KIRREL3: variants seen among roughly 807,000 people sequenced by gnomAD.
KIRREL3 encodes kirre like nephrin family adhesion molecule 3.
In KIRREL3, 36 loss-of-function variants were observed where a neutral mutation model predicts 89.7. The observed-to-expected ratio is 0.40, with a 90% CI of 0.31 to 0.53. The LOEUF is 0.53. KIRREL3 is among the 20% of genes least tolerant of loss of function. The probability of loss-of-function intolerance (pLI) is 0.49; values close to 1 mark genes in which losing one functional copy is unlikely to be tolerated. For synonymous variants in KIRREL3, 445 were observed against 441.4 expected, an observed-to-expected ratio of 1.01 and a Z score of -0.10; for missense variants, 864 against 1,056.6, an observed-to-expected ratio of 0.82 and a Z score of 2.53.
In KIRREL3 at chr11:126,877,213, C is replaced by T. The variant is rs1381336095; in HGVS notation, c.55+123242G>A. Among the ~76,000 whole-genome samples, 3 of 152,170 alleles carry T rather than the reference C, an allele frequency of 2.0e-5. No homozygotes were observed. The highest frequency in any genetic ancestry group is 4.8e-5 in the African/African-American group (2 of 41,446). ...GCCTCTTAGTTGACAGCCAGTGGCA[C>T]GAATCCACTGGTGAGAAGAGTTCTC... On this transcript the variant is annotated intron_variant, in intron 1 of 16. Transcript: ENST00000525144. The surrounding 1 kb of genome is among the most constrained non-coding windows in gnomAD (Gnocchi z 4.9).
intron 1 of KIRREL3, among the ~76,000 whole-genome samples, chr11:126,832,717 C>T (rs933729286): frequency 5.3e-5 from 8 of 152,110 alleles, no homozygotes; most frequent in Non-Finnish European, 8.8e-5. Context: ...TTTTCATGAG[C>T]GGACATAGAT....
In KIRREL3 at chr11:126,459,420, C is replaced by T. The variant is rs1218259028; in HGVS notation, c.743-2966G>A. 6.6e-6 allele frequency among the ~76,000 whole-genome samples: 1 copy of T among 152,118 alleles called. No homozygotes were observed. Among genetic ancestry groups the T allele is most frequent in the Non-Finnish European group, 1.5e-5 (1 of 68,032 alleles). On this transcript the variant is annotated intron_variant, in intron 6 of 16. Coordinates refer to ENST00000525144, the MANE Select transcript of KIRREL3 (RefSeq NM_032531.4). This position sits in a 1 kb window ranked among gnomAD's most constrained non-coding sequence, Gnocchi z 4.8. ...TCTTTGGTGATCACCTGCCCCGAAGCGATTCACAAGGGTTCCACACTCACT... is the reference window on the plus strand; with the variant it reads ...TCTTTGGTGATCACCTGCCCCGAAGTGATTCACAAGGGTTCCACACTCACT...
chr11:126,544,489 T>C lies in KIRREL3; in HGVS notation c.134-17802A>G, dbSNP rs1470731067. Among the ~76,000 whole-genome samples, 1 of 152,178 alleles carries C rather than the reference T, an allele frequency of 6.6e-6. No homozygotes were observed. The highest frequency in any genetic ancestry group is 2.4e-5 in the African/African-American group (1 of 41,434). ...TTGGCTGGCAGACTGCTTCCTTCCC[T>C]TGATTTATTGCAGGATGATAGGTCT... On this transcript the variant is annotated intron_variant, in intron 2 of 16. Coordinates refer to ENST00000525144, the MANE Select transcript of KIRREL3 (RefSeq NM_032531.4). This position sits in a 1 kb window ranked among gnomAD's most constrained non-coding sequence, Gnocchi z 5.6.
intron 4 of KIRREL3, among the ~76,000 whole-genome samples, chr11:126,497,172 AAG>A (rs754791150): frequency 3.7e-4 from 53 of 144,198 alleles, no homozygotes; most frequent in African/African-American, 7.2e-4. Flanking sequence ...GTGCATGTGT[AAG>A]AGAGTGTGTG....
rs1447497681 is a variant in KIRREL3 at position 126,771,093 on chromosome 11, T to A, written c.56-208181A>T. Reference sequence around the variant, plus strand: ...TCAGGGTGATCCGCTTGCCTTGGCATCCCAAAGTCCTGGGATTACAGGCAT... The same window carrying A: ...TCAGGGTGATCCGCTTGCCTTGGCAACCCAAAGTCCTGGGATTACAGGCAT... On this transcript the variant is annotated intron_variant, in intron 1 of 16. Transcript: ENST00000525144. The surrounding 1 kb of genome is among the most constrained non-coding windows in gnomAD (Gnocchi z 4.4). Among the ~76,000 whole-genome samples, 1 of 152,184 alleles carries A rather than the reference T, an allele frequency of 6.6e-6. No individual in the cohort carries two copies. Among genetic ancestry groups the A allele is most frequent in the Admixed American group, 6.5e-5 (1 of 15,284 alleles).
Position 126,575,448 on chromosome 11 carries a change from T to C in KIRREL3, c.56-12536A>G, listed in dbSNP as rs1217166954. On this transcript the variant is annotated intron_variant, in intron 1 of 16. Transcript: ENST00000525144. The surrounding 1 kb of genome is among the most constrained non-coding windows in gnomAD (Gnocchi z 7.0). Reference sequence around the variant, plus strand: ...ACTGGAGATAATGTATGTACAATACTGGGAGGGAAGGGTAAAGAGAGTTGT... The same window carrying C: ...ACTGGAGATAATGTATGTACAATACCGGGAGGGAAGGGTAAAGAGAGTTGT... Among the ~76,000 whole-genome samples the C allele has an allele frequency of 6.6e-6, 1 of 152,178 alleles. No homozygotes were observed. Among genetic ancestry groups the C allele is most frequent in the East Asian group, 1.9e-4 (1 of 5,196 alleles).
chr11:126,585,358 C>G (rs1941781492), intron 1 of KIRREL3, among the ~76,000 whole-genome samples: 1 of 150,562 alleles, frequency 6.6e-6, no homozygotes, highest in East Asian at 2.0e-4. Flanking sequence ...CACAGCCTCC[C>G]CAGTAGCTGG....
rs1947153896 is a variant in KIRREL3 at position 126,918,944 on chromosome 11, A to AACATCATATGTTATAAGATATGTATTGTT, written c.55+81482_55+81510dup. On this transcript the variant is annotated intron_variant, in intron 1 of 16. Transcript: ENST00000525144. This position sits in a 1 kb window ranked among gnomAD's most constrained non-coding sequence, Gnocchi z 6.5. ...ATGATTTTATAACGTCATATGTTAT[A>AACATCATATGTTATAAGATATGTATTGTT]ACATCATATGTTATAAGATATGTAT... Among the ~76,000 whole-genome samples the AACATCATATGTTATAAGATATGTATTGTT allele has an allele frequency of 6.6e-6, 1 of 150,668 alleles. No homozygotes were observed. The highest frequency in any genetic ancestry group is 1.5e-5 in the Non-Finnish European group (1 of 67,684).
chr11:126,494,076 G>C (rs1356051187), intron 4 of KIRREL3, among the ~76,000 whole-genome samples: 1 of 152,146 alleles, frequency 6.6e-6, no homozygotes, highest in African/African-American at 2.4e-5. Context: ...TCCACGATGA[G>C]GAAAATATCA....
rs573908065 is a variant in KIRREL3 at position 126,610,248 on chromosome 11, G to A, written c.56-47336C>T. On this transcript the variant is annotated intron_variant, in intron 1 of 16. Transcript: ENST00000525144. This position sits in a 1 kb window ranked among gnomAD's most constrained non-coding sequence, Gnocchi z 4.6. The stretch of plus-strand genomic sequence containing the variant: ...TGGGATTACAGGCATGCACCACCAC[G>A]CCTGGCTAATTTTTGTATTTTTAAT... Among the ~76,000 whole-genome samples, 1 of 152,148 alleles carries A rather than the reference G, an allele frequency of 6.6e-6. No homozygotes were observed. Among genetic ancestry groups the A allele is most frequent in the Admixed American group, 6.5e-5 (1 of 15,284 alleles).
intron 1 of KIRREL3, among the ~76,000 whole-genome samples, chr11:126,596,200 A>T (rs1395176523): frequency 3.3e-5 from 5 of 152,320 alleles, no homozygotes; most frequent in South Asian, 4.1e-4. Flanking sequence ...TCTGACATCC[A>T]GTGTTCATGC....
Position 126,462,223 on chromosome 11 carries a change from C to G in KIRREL3, c.742+934G>C, listed in dbSNP as rs1956570811. 6.6e-6 allele frequency among the ~76,000 whole-genome samples: 1 copy of G among 152,100 alleles called. No homozygotes were observed. On this transcript the variant is annotated intron_variant, in intron 6 of 16. Coordinates refer to ENST00000525144, the MANE Select transcript of KIRREL3 (RefSeq NM_032531.4). This position sits in a 1 kb window ranked among gnomAD's most constrained non-coding sequence, Gnocchi z 4.8. ...CCTAACACGGGCCACCGAGGGCTGG[C>G]TGGGCAGGAGTGTGGAGAGGATGTT... is the stretch of plus-strand genomic sequence containing the variant.
chr11:126,768,732 A>C lies in KIRREL3; in HGVS notation c.56-205820T>G, dbSNP rs1949925317. Among the ~76,000 whole-genome samples the C allele has an allele frequency of 6.6e-6, 1 of 152,144 alleles. No homozygotes were observed. The highest frequency in any genetic ancestry group is 1.5e-5 in the Non-Finnish European group (1 of 68,034). ...TGGAAGAGCAAGTGCAAAGGTCCTAAGGTGAGAATGACCCAGGTGCCTTCA... is the reference window on the plus strand; with the variant it reads ...TGGAAGAGCAAGTGCAAAGGTCCTACGGTGAGAATGACCCAGGTGCCTTCA... On this transcript the variant is annotated intron_variant, in intron 1 of 16. Transcript: ENST00000525144. The surrounding 1 kb of genome is among the most constrained non-coding windows in gnomAD (Gnocchi z 4.5).
At chr11:126,472,431 G>T (rs575090280) in intron 5 of KIRREL3, among the ~76,000 whole-genome samples, 74 of 152,024 alleles carry the variant, frequency 4.9e-4, no homozygotes, top group Non-Finnish European at 7.2e-4. Context: ...AGGGACAAGG[G>T]GTCTCCCTCA....
At chr11:126,681,845 G>A (rs957354704) in intron 1 of KIRREL3, 4 of 452,896 alleles carry the variant, frequency 8.8e-6, no homozygotes, top group Admixed American at 4.7e-5. Context: ...CAGAATCCCA[G>A]GTCCGGAAGG....
Position 126,429,135 on chromosome 11 carries a change from G to A in KIRREL3, c.1806+44C>T. On this transcript the variant is annotated intron_variant, in intron 15 of 16. Transcript: ENST00000525144. This position sits in a 1 kb window ranked among gnomAD's most constrained non-coding sequence, Gnocchi z 5.2. Reference sequence around the variant, plus strand: ...AAGCCTCTAGTCCCAGGACCTTCTGGGAATGGAGTCACGGGATGGGATGGG... The same window carrying A: ...AAGCCTCTAGTCCCAGGACCTTCTGAGAATGGAGTCACGGGATGGGATGGG... 7.7e-7 allele frequency: 1 copy of A among 1,295,090 alleles called. No individual in the cohort carries two copies. The highest frequency in any genetic ancestry group is 1.1e-6 in the Non-Finnish European group (1 of 896,888). 80.2% of individuals were successfully genotyped at this position (1,295,090 alleles called of 1,614,324 possible).
intron 1 of KIRREL3, among the ~76,000 whole-genome samples, chr11:126,613,780 T>C (rs1364209970): frequency 6.6e-6 from 1 of 151,320 alleles, no homozygotes. Context: ...AGTAGCTCCA[T>C]CACATTGGGA....
chr11:126,462,041 G>C lies in KIRREL3; in HGVS notation c.742+1116C>G, dbSNP rs1956563678. ...TTAAACTGAACTAATCCAGTCTTGA[G>C]AGGAAGGCCCCTGGAACACCTTGCT... On this transcript the variant is annotated intron_variant, in intron 6 of 16. Coordinates refer to ENST00000525144, the MANE Select transcript of KIRREL3 (RefSeq NM_032531.4). The surrounding 1 kb of genome is among the most constrained non-coding windows in gnomAD (Gnocchi z 4.8). 6.6e-6 allele frequency among the ~76,000 whole-genome samples: 1 copy of C among 152,180 alleles called. No individual in the cohort carries two copies. Among genetic ancestry groups the C allele is most frequent in the Non-Finnish European group, 1.5e-5 (1 of 68,042 alleles).
rs1467059632 is a variant in KIRREL3, at chr11:126,459,564, T to G, written c.743-3110A>C. On this transcript the variant is annotated intron_variant, in intron 6 of 16. Coordinates refer to ENST00000525144, the MANE Select transcript of KIRREL3 (RefSeq NM_032531.4). This position sits in a 1 kb window ranked among gnomAD's most constrained non-coding sequence, Gnocchi z 4.8. Reference sequence around the variant, plus strand: ...CCAAGCTCCAGAGGTATAAATAGTTTATGTCATATCCAACTATTAAACATG... The same window carrying G: ...CCAAGCTCCAGAGGTATAAATAGTTGATGTCATATCCAACTATTAAACATG... Among the ~76,000 whole-genome samples the G allele has an allele frequency of 6.6e-6, 1 of 152,242 alleles. No individual in the cohort carries two copies. The highest frequency in any genetic ancestry group is 1.5e-5 in the Non-Finnish European group (1 of 68,052).
Sources: gnomAD v4.1 joint callset for allele counts (sites outside exome capture counted in the v4.1 genomes callset) on GRCh38, gnomAD v4.1.1 for gene constraint, Gnocchi (gnomAD v3.1) non-coding constraint, MANE v1.5 for transcripts, NCBI Gene and HGNC (gene_info 2026-07-23, HGNC 2026-07-21) for gene names.